Variants in CNTNAP2 observed in about 807,000 individuals in gnomAD.
The protein encoded by CNTNAP2 is contactin associated protein 2.
A neutral mutation model predicts 155.2 loss-of-function variants in CNTNAP2; 98 were observed. That is an observed-to-expected ratio of 0.63 (90% CI 0.54 to 0.75). The LOEUF (loss-of-function observed/expected upper bound fraction) is 0.75, where lower values mean the gene tolerates loss of function less well. Ranked by LOEUF, CNTNAP2 falls within the 30% of genes least tolerant of loss-of-function variation. The probability of loss-of-function intolerance (pLI) is 0.00; values close to 1 mark genes in which losing one functional copy is unlikely to be tolerated. For missense variants in CNTNAP2, 1,727 were observed against 1,688.1 expected (o/e 1.02, Z -0.40); for synonymous variants, 651 against 631.2 (o/e 1.03, Z -0.47).
intron 10 of CNTNAP2, among the ~76,000 whole-genome samples, chr7:147,464,325 G>T (rs1382113705): frequency 6.6e-6 from 1 of 151,896 alleles, no homozygotes; most frequent in Non-Finnish European, 1.5e-5. Flanking sequence ...AAATTAGCTG[G>T]GCCTGGTGAC....
At chr7:146,379,275 A>T (rs910997388) in intron 1 of CNTNAP2, among the ~76,000 whole-genome samples, 1 of 152,150 alleles carries the variant, frequency 6.6e-6, no homozygotes, top group African/African-American at 2.4e-5. Flanking sequence ...CTGGGGACTA[A>T]TTTGTGTGTG....
chr7:147,326,739 C>G (rs981127661), intron 9 of CNTNAP2, among the ~76,000 whole-genome samples: 1 of 152,190 alleles, frequency 6.6e-6, no homozygotes, highest in African/African-American at 2.4e-5. Context: ...AACAGCTCTT[C>G]TAGTGGGTGT....
chr7:146,258,791 C>G (rs802566), intron 1 of CNTNAP2, among the ~76,000 whole-genome samples: 38,876 of 152,142 alleles, frequency 0.26, 12,819 homozygotes, highest in African/African-American at 0.77. Flanking sequence ...TGACATTTTC[C>G]TAGCTGCATA....
chr7:146,906,986 C>T (rs536764964), intron 3 of CNTNAP2, among the ~76,000 whole-genome samples: 8 of 148,426 alleles, frequency 5.4e-5, no homozygotes, highest in Admixed American at 2.0e-4. Flanking sequence ...AACCAAGGCT[C>T]GAGAACTACG....
chr7:147,984,385 G>T (rs1418873018), intron 15 of CNTNAP2, among the ~76,000 whole-genome samples: 1 of 152,098 alleles, frequency 6.6e-6, no homozygotes, highest in African/African-American at 2.4e-5. Context: ...TTTAGTTTTG[G>T]TTCACAGTAC....
intron 10 of CNTNAP2, among the ~76,000 whole-genome samples, chr7:147,443,392 C>T (rs1047615288): frequency 6.6e-5 from 10 of 152,158 alleles, no homozygotes; most frequent in African/African-American, 2.2e-4. Context: ...CCACTGCCTG[C>T]AGGTGGTGGA....
At chr7:147,666,095 G>A (rs547236478) in intron 13 of CNTNAP2, among the ~76,000 whole-genome samples, 12 of 152,190 alleles carry the variant, frequency 7.9e-5, no homozygotes, top group South Asian at 2.1e-4. Flanking sequence ...GCTGTAGGAC[G>A]AAAGCAGAAA....
intron 10 of CNTNAP2, among the ~76,000 whole-genome samples, chr7:147,420,513 G>A (rs1284606136): frequency 1.3e-5 from 2 of 152,054 alleles, no homozygotes; most frequent in African/African-American, 4.8e-5. Context: ...TTTATTGAGG[G>A]TCAGAAAAAG....
At chr7:147,700,931 AGT>A (rs1458301518) in intron 13 of CNTNAP2, among the ~76,000 whole-genome samples, 3 of 152,158 alleles carry the variant, frequency 2.0e-5, no homozygotes. Context: ...AATTCTGGAG[AGT>A]GGAACACCGC....
At chr7:147,012,328 A>G (rs1005085637) in intron 3 of CNTNAP2, among the ~76,000 whole-genome samples, 6 of 152,304 alleles carry the variant, frequency 3.9e-5, no homozygotes, top group African/African-American at 1.4e-4. Flanking sequence ...ATTACAGAGT[A>G]AAATACTGGG....
At chr7:146,223,569 T>A (rs1254362897) in intron 1 of CNTNAP2, among the ~76,000 whole-genome samples, 1 of 152,168 alleles carries the variant, frequency 6.6e-6, no homozygotes, top group East Asian at 1.9e-4. Flanking sequence ...CCATAGGAAG[T>A]GTCTGGCACA....
chr7:148,083,704 A>C (rs1206819024), intron 15 of CNTNAP2, among the ~76,000 whole-genome samples: 1 of 152,172 alleles, frequency 6.6e-6, no homozygotes, highest in Non-Finnish European at 1.5e-5. Flanking sequence ...CAGTTATGTG[A>C]CTTATCTCTA....
At chr7:146,851,121 A>AT (rs1334752384) in intron 3 of CNTNAP2, among the ~76,000 whole-genome samples, 4 of 152,048 alleles carry the variant, frequency 2.6e-5, no homozygotes, top group Non-Finnish European at 5.9e-5. Context: ...AGTAGCTTGG[A>AT]TTACAGGCAC....
chr7:146,852,573 A>G (rs2129203411), intron 3 of CNTNAP2, among the ~76,000 whole-genome samples: 1 of 152,272 alleles, frequency 6.6e-6, no homozygotes, highest in Non-Finnish European at 1.5e-5. Context: ...TAACACTATC[A>G]ACATCATGTA....
At chr7:148,109,398 G>GT (rs1563202211) in intron 15 of CNTNAP2, among the ~76,000 whole-genome samples, 1 of 150,528 alleles carries the variant, frequency 6.6e-6, no homozygotes, top group African/African-American at 2.4e-5. Context: ...GTTTTGTTTT[G>GT]TTTGAGATGG....
intron 4 of CNTNAP2, chr7:147,081,571 C>T (rs1397836537): frequency 6.7e-6 from 1 of 149,380 alleles, no homozygotes; most frequent in East Asian, 2.0e-4. Flanking sequence ...CGCACCACCA[C>T]ACCCGGCTAA....
chr7:146,774,453 A>G, intron 2 of CNTNAP2, 72 bp downstream of exon 2: 1 of 1,024,794 alleles, frequency 9.8e-7, no homozygotes, highest in Non-Finnish European at 1.5e-6. Context: ...AGCCATATAT[A>G]TATATAATCA....
intron 13 of CNTNAP2, among the ~76,000 whole-genome samples, chr7:147,727,329 GT>G (rs1796662252): frequency 1.3e-5 from 2 of 152,054 alleles, no homozygotes; most frequent in African/African-American, 4.8e-5. Flanking sequence ...ATGAGACCTA[GT>G]TTAGGTACCA....
At chr7:147,860,855 C>A (rs1246045670) in intron 13 of CNTNAP2, among the ~76,000 whole-genome samples, 1 of 152,126 alleles carries the variant, frequency 6.6e-6, no homozygotes, top group Non-Finnish European at 1.5e-5. Context: ...TATTGTCCAG[C>A]CTGAATTAAA....
Sources: allele counts gnomAD v4.1 joint callset (sites outside exome capture counted in the v4.1 genomes callset), GRCh38; gene constraint gnomAD v4.1.1; transcripts MANE v1.5; gene names NCBI Gene and HGNC (gene_info 2026-07-23, HGNC 2026-07-21).